VSTM5: variants seen among roughly 807,000 people sequenced by gnomAD.
VSTM5 encodes V-set and transmembrane domain-containing protein 5.
VSTM5 carries 21 observed loss-of-function variants against 20.3 expected under a neutral mutation model. The ratio of observed to expected loss-of-function variants is 1.03; its 90% CI spans 0.73 to 1.49. The LOEUF (loss-of-function observed/expected upper bound fraction) is 1.49, where lower values mean the gene tolerates loss of function less well. Among genes scored for constraint, VSTM5 ranks in the 40% most tolerant of loss-of-function variants. VSTM5 has a pLI of 0.00. For missense variants in VSTM5, 219 were observed against 250.0 expected (o/e 0.88, Z 0.84); for synonymous variants, 100 against 102.5 (o/e 0.98, Z 0.14).
chr11:93,830,417 A>G (rs1349288771), intron 1 of VSTM5, among the ~76,000 whole-genome samples: 1 of 152,204 alleles, frequency 6.6e-6, no homozygotes, highest in African/African-American at 2.4e-5. Flanking sequence ...GGTAGTAAGA[A>G]GTGGGCATGT....
chr11:93,850,118 T>A (rs1032272624), intron 1 of VSTM5, among the ~76,000 whole-genome samples: 3 of 152,198 alleles, frequency 2.0e-5, no homozygotes, highest in Admixed American at 2.0e-4. Context: ...CCAGCTCTGA[T>A]AACCGTAGGC....
intron 1 of VSTM5, among the ~76,000 whole-genome samples, chr11:93,839,936 T>A (rs144581701): frequency 1.7e-4 from 26 of 152,268 alleles, no homozygotes; most frequent in African/African-American, 6.0e-4. Context: ...TATAGAGACA[T>A]ACATGCACGT....
chr11:93,838,767 C>T (rs1283329554), intron 1 of VSTM5, among the ~76,000 whole-genome samples: 2 of 152,142 alleles, frequency 1.3e-5, no homozygotes, highest in Non-Finnish European at 2.9e-5. Context: ...CACTGCTCTC[C>T]AGCCTGGGTG....
intron 1 of VSTM5, among the ~76,000 whole-genome samples, chr11:93,843,387 G>T (rs11020534): frequency 0.22 from 32,679 of 151,778 alleles, 3,636 homozygotes; most frequent in Middle Eastern, 0.28. Flanking sequence ...ACAGGGGTTG[G>T]TCTGTCTTGG....
chr11:93,839,613 C>T (rs537230058), intron 1 of VSTM5, among the ~76,000 whole-genome samples: 6 of 152,262 alleles, frequency 3.9e-5, no homozygotes, highest in Non-Finnish European at 7.3e-5. Context: ...CCACCAGTGC[C>T]AGCTTGAGGA....
Position 93,850,602 on chromosome 11 carries a change from G to T in VSTM5, c.-100C>A. On this transcript the variant is annotated 5_prime_UTR_variant, in exon 1 of 4. Transcript: ENST00000409977. The stretch of plus-strand genomic sequence containing the variant: ...CTTCCTCCGCCTCTGGCTGCCGCAG[G>T]TTCTTTAGGGCCAGATGCAGATGAG... 1.7e-6 allele frequency: 1 copy of T among 577,002 alleles called. No homozygotes were observed. The highest frequency in any genetic ancestry group is 2.5e-6 in the Non-Finnish European group (1 of 405,410). 35.7% of individuals were successfully genotyped at this position (577,002 alleles called of 1,614,324 possible).
intron 1 of VSTM5, among the ~76,000 whole-genome samples, chr11:93,840,847 T>C (rs1423693726): frequency 3.9e-5 from 6 of 152,106 alleles, no homozygotes; most frequent in Non-Finnish European, 8.8e-5. Flanking sequence ...ATAGGGTCTA[T>C]AGGCAGGGAA....
intron 1 of VSTM5, among the ~76,000 whole-genome samples, chr11:93,829,524 G>A (rs1470460659): frequency 3.3e-5 from 5 of 152,158 alleles, no homozygotes; most frequent in African/African-American, 9.7e-5. Context: ...GTGAGACTCA[G>A]TCTCAAGAAA....
chr11:93,847,631 C>T (rs377751343), intron 1 of VSTM5, among the ~76,000 whole-genome samples: 13 of 152,350 alleles, frequency 8.5e-5, no homozygotes, highest in African/African-American at 2.6e-4. Flanking sequence ...CAAGTACTTC[C>T]GAATGAGAGG....
intron 1 of VSTM5, among the ~76,000 whole-genome samples, chr11:93,842,143 GTAT>G (rs983431402): frequency 2.4e-4 from 36 of 152,208 alleles, no homozygotes; most frequent in African/African-American, 8.0e-4. Flanking sequence ...TAAATAGTAG[GTAT>G]TATTAATGAT....
At chr11:93,828,608 T>G (rs937263333) in intron 1 of VSTM5, among the ~76,000 whole-genome samples, 3 of 152,186 alleles carry the variant, frequency 2.0e-5, no homozygotes, top group Admixed American at 2.0e-4. Context: ...CTTGCCAACA[T>G]AGTCTCTGCA....
At chr11:93,849,834 G>A (rs1465498893) in intron 1 of VSTM5, among the ~76,000 whole-genome samples, 1 of 152,192 alleles carries the variant, frequency 6.6e-6, no homozygotes, top group African/African-American at 2.4e-5. Context: ...TGCGCTGGTC[G>A]CGAGGACCAC....
At chr11:93,836,555 G>GCTCC (rs200204610) in intron 1 of VSTM5, among the ~76,000 whole-genome samples, 2 of 150,530 alleles carry the variant, frequency 1.3e-5, no homozygotes, top group African/African-American at 5.0e-5. Context: ...CCCCCTGCCT[G>GCTCC]CTCCCTCGTT....
rs1350475154 is a variant in VSTM5, at chr11:93,850,461, G to A, written c.42C>T (p.Ile14=). ...GGCAGAGGGCGAAGAGTCCTAGGGA[G>A]ATGCCTCGGGTCTTCCTCCTCCCGC... ...LPSGRRKTRG[I]SLGLFALCLA... The change falls in exon 1 of 4, where the codon ATC becomes ATT. Residue 14 remains isoleucine, a synonymous_variant. Transcript: ENST00000409977. The A allele has an allele frequency of 6.5e-7, 1 of 1,550,034 alleles. No individual in the cohort carries two copies. The highest frequency in any genetic ancestry group is 2.0e-5 in the Admixed American group (1 of 50,940).
At chr11:93,846,816 G>A (rs1435590303) in intron 1 of VSTM5, among the ~76,000 whole-genome samples, 2 of 147,356 alleles carry the variant, frequency 1.4e-5, no homozygotes, top group East Asian at 4.0e-4. Flanking sequence ...CACCAGGCTG[G>A]AGGGCAGTGG....
Position 93,819,810 on chromosome 11 carries a change from A to G in VSTM5, c.*759T>C, listed in dbSNP as rs930889432. ...ATGGAGATGAGCTGTTGTTTTACTT[A>G]CAATGGCCTAAGTTTGAGCCATGGG... On this transcript the variant is annotated 3_prime_UTR_variant, in exon 4 of 4. Coordinates refer to ENST00000409977, the MANE Select transcript of VSTM5 (RefSeq NM_001144871.2). 5 of 152,260 alleles carry G rather than the reference A, an allele frequency of 3.3e-5. No homozygotes were observed. Among genetic ancestry groups the G allele is most frequent in the African/African-American group, 1.2e-4 (5 of 41,456 alleles). 9.4% of individuals were successfully genotyped at this position (152,260 alleles called of 1,614,324 possible).
intron 1 of VSTM5, among the ~76,000 whole-genome samples, chr11:93,841,216 C>A (rs1310517259): frequency 6.8e-6 from 1 of 147,766 alleles, no homozygotes; most frequent in South Asian, 2.2e-4. Flanking sequence ...CGGACCTAAT[C>A]CTTCATCCAG....
intron 1 of VSTM5, among the ~76,000 whole-genome samples, chr11:93,846,040 G>T (rs546686892): frequency 2.6e-5 from 4 of 152,206 alleles, no homozygotes; most frequent in Admixed American, 2.0e-4. Flanking sequence ...TAGAGACAGG[G>T]TCTCACTGTG....
At chr11:93,829,956 G>A (rs1265155335) in intron 1 of VSTM5, among the ~76,000 whole-genome samples, 1 of 152,210 alleles carries the variant, frequency 6.6e-6, no homozygotes, top group Non-Finnish European at 1.5e-5. Flanking sequence ...GAAGGGAAAG[G>A]CACTCATTTA....
Sources: gnomAD v4.1 joint callset for allele counts (sites outside exome capture counted in the v4.1 genomes callset) on GRCh38, gnomAD v4.1.1 for gene constraint, MANE v1.5 for transcripts, NCBI Gene and HGNC (gene_info 2026-07-23, HGNC 2026-07-21) for gene names.